Variants in GJB1 observed in about 807,000 individuals in gnomAD.
GJB1 encodes gap junction beta-1 protein.
Under a neutral mutation model 12.0 loss-of-function variants are expected in GJB1, and 1 was observed. The observed-to-expected ratio is 0.08, with a 90% CI of 0.03 to 0.40. GJB1 has a LOEUF of 0.40. Ranked by LOEUF, GJB1 falls within the 10% of genes least tolerant of loss-of-function variation. The probability of loss-of-function intolerance (pLI) is 0.98; values close to 1 mark genes in which losing one functional copy is unlikely to be tolerated. For synonymous variants in GJB1, 114 were observed against 102.8 expected, an observed-to-expected ratio of 1.11 and a Z score of -0.66; for missense variants, 140 against 250.3, an observed-to-expected ratio of 0.56 and a Z score of 2.97.
chrX:71,220,605 C>G (rs1195292185), upstream of GJB1, among the ~76,000 whole-genome samples: 2 of 110,096 alleles, frequency 1.8e-5, no homozygotes, highest in East Asian at 2.8e-4. Flanking sequence ...CTCCTGGGTT[C>G]TAACAATTCT....
intron 1 of GJB1, among the ~76,000 whole-genome samples, chrX:71,218,090 G>A (rs768699323): frequency 5.4e-5 from 6 of 111,273 alleles, no homozygotes; most frequent in Non-Finnish European, 9.4e-5. Flanking sequence ...TCAGGACTTC[G>A]AGACCAGCCT....
upstream of GJB1, among the ~76,000 whole-genome samples, chrX:71,219,773 C>CA (rs41477550): frequency 0.01 from 227 of 22,010 alleles, 14 homozygotes; most frequent in Non-Finnish European, 0.012. Context: ...GACTCCCTCT[C>CA]AAAAAAAAAA....
intron 1 of GJB1, chrX:71,217,700 C>T (rs1342136323): frequency 1.8e-5 from 2 of 111,124 alleles, no homozygotes; most frequent in Non-Finnish European, 3.8e-5. Flanking sequence ...GAGATCACAG[C>T]ACCCAGACAA....
At chrX:71,219,796 G>C (rs186193991), upstream of GJB1, among the ~76,000 whole-genome samples, 4 of 61,075 alleles carry the variant, frequency 6.5e-5, no homozygotes, top group Non-Finnish European at 8.8e-5. Flanking sequence ...AAAAAAAAAA[G>C]AATAACCTGG....
upstream of GJB1, among the ~76,000 whole-genome samples, chrX:71,220,656 G>A (rs1279336575): frequency 1.9e-5 from 2 of 107,130 alleles, no homozygotes; most frequent in African/African-American, 6.9e-5. Flanking sequence ...ACGGGTGCCC[G>A]CCACCACACC....
At chrX:71,220,889 C>CTTTTTTTTTTTTTTTTTT (rs1491472340), upstream of GJB1, among the ~76,000 whole-genome samples, 7 of 52,746 alleles carry the variant, frequency 1.3e-4, no homozygotes, top group Admixed American at 5.1e-4. Context: ...TTGTTTCTTT[C>CTTTTTTTTTTTTTTTTTT]CTTTTTTTTT....
upstream of GJB1, among the ~76,000 whole-genome samples, chrX:71,221,021 C>T (rs1335393321): frequency 3.8e-5 from 4 of 104,936 alleles, no homozygotes; most frequent in East Asian, 1.2e-3. Flanking sequence ...CTCAGCCTCC[C>T]AAGTAGCTGG....
At chrX:71,218,163 G>A (rs2092528888) in intron 1 of GJB1, among the ~76,000 whole-genome samples, 1 of 110,249 alleles carries the variant, frequency 9.1e-6, no homozygotes, top group African/African-American at 3.3e-5. Flanking sequence ...GTGGTGACAC[G>A]CACCTGTAAT....
upstream of GJB1, among the ~76,000 whole-genome samples, chrX:71,220,142 C>CTTTTTTTTTTTTTTT (rs41353351): frequency 1.3e-3 from 70 of 52,799 alleles, 5 homozygotes; most frequent in African/African-American, 4.0e-3. Flanking sequence ...TGTGCCTGGC[C>CTTTTTTTTTTTTTTT]TTTTTTTTTT....
intron 1 of GJB1, 25 bp downstream of exon 1, chrX:71,223,360 C>T: frequency 1.5e-5 from 5 of 329,040 alleles, no homozygotes; most frequent in Non-Finnish European, 2.7e-5. Context: ...TTGAGTTTGC[C>T]CCAGGTCTGG....
At chrX:71,217,137 T>TGTGTGTGTGC (rs1425482621) in intron 1 of GJB1, among the ~76,000 whole-genome samples, 5 of 108,728 alleles carry the variant, frequency 4.6e-5, no homozygotes, top group African/African-American at 6.7e-5. Context: ...TGTGTGTGTG[T>TGTGTGTGTGC]GTGCGTGTGC....
chrX:71,218,831 A>G (rs1448469499), upstream of GJB1, among the ~76,000 whole-genome samples: 1 of 106,796 alleles, frequency 9.4e-6, no homozygotes, highest in African/African-American at 3.4e-5. Flanking sequence ...GCTTGCAGTG[A>G]GCCGAGATCG....
Position 71,224,413 on chromosome X carries a change from G to T in GJB1, c.706G>T (p.Gly236Cys), listed in dbSNP as rs1195589859. The T allele has an allele frequency of 8.3e-7, 1 of 1,209,933 alleles. No homozygotes were observed. Among genetic ancestry groups the T allele is most frequent in the Admixed American group, 2.2e-5 (1 of 45,903 alleles). The change falls in exon 2 of 2, where the codon GGC becomes TGC. Residue 236 changes from glycine (G) to cysteine (C), a missense_variant. By Grantham distance (159) the Gly-to-Cys change is radical. Around this residue, in one of 4 missense-constraint regions of GJB1, gnomAD observed 75 missense variants for 78.8 expected, o/e 0.95. Coordinates refer to ENST00000361726, the MANE Select transcript of GJB1 (RefSeq NM_000166.6). ...ACCTTCCCGCAAGGGCTCGGGCTTC[G>T]GCCACCGCCTCTCACCTGAATACAA... ...NPPSRKGSGF[G>C]HRLSPEYKQN...
upstream of GJB1, among the ~76,000 whole-genome samples, chrX:71,220,889 CCTTTTTTTTTTTTTTTT>C (rs1182941779): frequency 1.9e-5 from 1 of 52,746 alleles, no homozygotes; most frequent in Non-Finnish European, 3.1e-5. Flanking sequence ...TTGTTTCTTT[CCTTTTTTTTTTTTTTTT>C]TTTTTTTTTG....
intron 1 of GJB1, among the ~76,000 whole-genome samples, chrX:71,216,734 C>T (rs2092526464): frequency 1.8e-5 from 2 of 110,989 alleles, no homozygotes; most frequent in African/African-American, 3.3e-5. Context: ...AGCCTGGCCA[C>T]GGAATATGTA....
chrX:71,216,517 A>G (rs1388889431), intron 1 of GJB1, among the ~76,000 whole-genome samples: 1 of 109,298 alleles, frequency 9.1e-6, no homozygotes, highest in Non-Finnish European at 1.9e-5. Flanking sequence ...GAGTCTGTGA[A>G]TATACACACA....
At chrX:71,219,773 C>CAAAA (rs41477550), upstream of GJB1, among the ~76,000 whole-genome samples, 26 of 22,013 alleles carry the variant, frequency 1.2e-3, no homozygotes, top group African/African-American at 2.2e-3. Context: ...GACTCCCTCT[C>CAAAA]AAAAAAAAAA....
At chrX:71,223,609 G>C (rs1455371364) in intron 1 of GJB1, 83 bp from the exon 2 acceptor site, 7 of 882,268 alleles carry the variant, frequency 7.9e-6, no homozygotes, top group Non-Finnish European at 1.2e-5. Flanking sequence ...GAAGAGTTGA[G>C]GGGGGGTGCG....
At position 71,225,300 on chromosome X, in the gene GJB1, G is replaced by A. The variant is rs1030841907; in HGVS notation, c.*741G>A. On this transcript the variant is annotated 3_prime_UTR_variant, in exon 2 of 2. Coordinates refer to ENST00000361726, the MANE Select transcript of GJB1 (RefSeq NM_000166.6). The stretch of plus-strand genomic sequence containing the variant: ...TTTTTTACTGATTAAGAAAGGAACA[G>A]GGCAAAAGAAGTAGTTACTTGAGTA... 1 of 123,402 alleles carries A rather than the reference G, an allele frequency of 8.1e-6. No individual in the cohort carries two copies. Among genetic ancestry groups the A allele is most frequent in the African/African-American group, 3.3e-5 (1 of 30,767 alleles). The allele number at this position is 123,402 out of a possible 1,213,427, so 10.2% of individuals were successfully genotyped here.
Sources: allele counts gnomAD v4.1 joint callset (sites outside exome capture counted in the v4.1 genomes callset), GRCh38; gene constraint gnomAD v4.1.1; regional missense constraint gnomAD v4.1.1; transcripts MANE v1.5; gene names NCBI Gene and HGNC (gene_info 2026-07-23, HGNC 2026-07-21).